Variants in NAV2 observed in about 807,000 individuals in gnomAD.
The protein encoded by NAV2 is neuron navigator 2.
NAV2 carries 54 observed loss-of-function variants against 223.2 expected under a neutral mutation model. The ratio of observed to expected loss-of-function variants is 0.24; its 90% CI spans 0.19 to 0.30. NAV2 has a LOEUF of 0.30. Ranked by LOEUF, NAV2 falls within the 10% of genes least tolerant of loss-of-function variation. NAV2 has a pLI of 1.00. For synonymous variants in NAV2, 1,279 were observed against 1,239.3 expected (o/e 1.03, Z -0.67); for missense variants, 2,806 against 3,147.5 (o/e 0.89, Z 2.60).
intron 22 of NAV2, among the ~76,000 whole-genome samples, chr11:20,073,378 A>T (rs958222198): frequency 2.0e-5 from 3 of 152,116 alleles, no homozygotes; most frequent in Non-Finnish European, 4.4e-5. Context: ...TTCATCAAGG[A>T]TATTGGCCTG....
At chr11:19,885,171 C>T (rs1229787700) in intron 5 of NAV2, among the ~76,000 whole-genome samples, 2 of 152,186 alleles carry the variant, frequency 1.3e-5, no homozygotes, top group East Asian at 3.8e-4. Flanking sequence ...TCATGCCAGG[C>T]TTCATGAGGT....
chr11:19,566,013 T>C (rs1024541505), intron 1 of NAV2, among the ~76,000 whole-genome samples: 20 of 148,168 alleles, frequency 1.3e-4, no homozygotes, highest in African/African-American at 5.0e-4. Context: ...GGCTGCAGCA[T>C]GAAGAGCTAT....
At chr11:19,568,589 C>T (rs2045336468) in intron 1 of NAV2, among the ~76,000 whole-genome samples, 1 of 152,202 alleles carries the variant, frequency 6.6e-6, no homozygotes, top group South Asian at 2.1e-4. Flanking sequence ...TGTGTCAGAC[C>T]CTGCTAAGCA....
chr11:19,793,206 C>CAAA (rs557365857), intron 1 of NAV2, among the ~76,000 whole-genome samples: 15 of 58,216 alleles, frequency 2.6e-4, no homozygotes, highest in Non-Finnish European at 4.6e-4. Flanking sequence ...CACTCTGTCT[C>CAAA]AAAAAAAAAA....
intron 1 of NAV2, among the ~76,000 whole-genome samples, chr11:19,592,005 C>G (rs1003545224): frequency 2.0e-5 from 3 of 152,130 alleles, no homozygotes; most frequent in Non-Finnish European, 4.4e-5. Context: ...AAGTCCTGAC[C>G]CCTATCACAC....
intron 1 of NAV2, among the ~76,000 whole-genome samples, chr11:19,629,088 TGTG>T (rs943673920): frequency 2.6e-5 from 4 of 152,294 alleles, no homozygotes; most frequent in South Asian, 2.1e-4. Flanking sequence ...GTTTCTAAAA[TGTG>T]GTGGCCATTC....
chr11:20,072,243 G>A (rs2059450550), intron 22 of NAV2, among the ~76,000 whole-genome samples: 1 of 152,136 alleles, frequency 6.6e-6, no homozygotes, highest in Admixed American at 6.5e-5. Flanking sequence ...AGATCAGATG[G>A]TTGTAGATGT....
chr11:20,035,938 G>C (rs1197437025), intron 11 of NAV2, 21 bp from the exon 12 acceptor site: 1 of 1,614,016 alleles, frequency 6.2e-7, no homozygotes, highest in Non-Finnish European at 8.5e-7. Context: ...TGGTGCTCAG[G>C]ATGTGTGTTT....
chr11:19,566,652 G>A (rs558868443), intron 1 of NAV2, among the ~76,000 whole-genome samples: 14 of 152,328 alleles, frequency 9.2e-5, no homozygotes, highest in African/African-American at 3.1e-4. Context: ...GGTTATGTAG[G>A]AAGTTCATGC....
chr11:19,696,850 G>A (rs1439443978), intron 1 of NAV2, among the ~76,000 whole-genome samples: 2 of 152,152 alleles, frequency 1.3e-5, no homozygotes, highest in African/African-American at 2.4e-5. Flanking sequence ...TGGGCTGCAC[G>A]GTAGAATCAC....
In NAV2 at chr11:20,105,745, G is replaced by A. The variant is rs995405938; in HGVS notation, c.6841+18G>A. The A allele has an allele frequency of 1.2e-6, 2 of 1,603,808 alleles. No individual in the cohort carries two copies. The highest frequency in any genetic ancestry group is 1.7e-6 in the Non-Finnish European group (2 of 1,173,950). On this transcript the variant is annotated intron_variant, in intron 35 of 37. Transcript: ENST00000349880. ...CACCATCGGTGGGTGGGAGACTGGGGTCAGGGGGGCGGGCTGGCATCCTCA... is the reference window on the plus strand; with the variant it reads ...CACCATCGGTGGGTGGGAGACTGGGATCAGGGGGGCGGGCTGGCATCCTCA...
intron 10 of NAV2, among the ~76,000 whole-genome samples, chr11:19,962,181 T>C (rs576924971): frequency 6.6e-6 from 1 of 151,664 alleles, no homozygotes; most frequent in East Asian, 2.0e-4. Context: ...GCAGCTCAAA[T>C]CTAAAGGCAG....
intron 11 of NAV2, 24 bp from the exon 12 acceptor site, chr11:20,035,935 C>T (rs2056319727): frequency 6.2e-7 from 1 of 1,613,854 alleles, no homozygotes; most frequent in African/African-American, 1.3e-5. Context: ...TTTTGGTGCT[C>T]AGGATGTGTG....
At chr11:19,563,209 G>C (rs1291716993) in intron 1 of NAV2, among the ~76,000 whole-genome samples, 2 of 152,174 alleles carry the variant, frequency 1.3e-5, no homozygotes, top group Non-Finnish European at 2.9e-5. Flanking sequence ...CAAGACCAGG[G>C]AAAAGAAGTG....
intron 1 of NAV2, among the ~76,000 whole-genome samples, chr11:19,793,206 C>CAAAAAAAAAAAAAAAA (rs557365857): frequency 1.7e-4 from 10 of 58,230 alleles, no homozygotes; most frequent in Non-Finnish European, 2.5e-4. Flanking sequence ...CACTCTGTCT[C>CAAAAAAAAAAAAAAAA]AAAAAAAAAA....
chr11:19,378,898 C>A (rs1324119347), intron 1 of NAV2, among the ~76,000 whole-genome samples: 1 of 152,180 alleles, frequency 6.6e-6, no homozygotes, highest in Non-Finnish European at 1.5e-5. Context: ...TGTCCCACCC[C>A]AGGCTCGGTG....
chr11:19,684,212 A>G (rs1017660158), intron 1 of NAV2, among the ~76,000 whole-genome samples: 1 of 152,324 alleles, frequency 6.6e-6, no homozygotes, highest in East Asian at 1.9e-4. Context: ...CCTGAACTCA[A>G]TTTAAATAGA....
chr11:19,995,122 T>C (rs2051744127), intron 11 of NAV2, among the ~76,000 whole-genome samples: 4 of 152,248 alleles, frequency 2.6e-5, no homozygotes, highest in Admixed American at 6.5e-5. Flanking sequence ...GTGAATTACC[T>C]TGGGCAAGAT....
chr11:19,380,647 G>A (rs1356128017), intron 1 of NAV2: 1 of 152,188 alleles, frequency 6.6e-6, no homozygotes, highest in African/African-American at 2.4e-5. Flanking sequence ...CGTGGAGGAA[G>A]GTACACCCTC....
Sources: allele counts gnomAD v4.1 joint callset (sites outside exome capture counted in the v4.1 genomes callset), GRCh38; gene constraint gnomAD v4.1.1; transcripts MANE v1.5; gene names NCBI Gene and HGNC (gene_info 2026-07-23, HGNC 2026-07-21).